Variants in EIF2AK4 observed in about 807,000 individuals in gnomAD.
EIF2AK4 encodes eIF-2-alpha kinase GCN2.
A neutral mutation model predicts 211.1 loss-of-function variants in EIF2AK4; 139 were observed. The observed-to-expected ratio is 0.66, with a 90% CI of 0.57 to 0.76. The LOEUF is 0.76. EIF2AK4 is among the 30% of genes least tolerant of loss of function. The probability of loss-of-function intolerance (pLI) is 0.00; values close to 1 mark genes in which losing one functional copy is unlikely to be tolerated. For synonymous variants in EIF2AK4, 710 were observed against 751.3 expected (o/e 0.94, Z 0.90); for missense variants, 1,664 against 2,043.8 (o/e 0.81, Z 3.58).
At chr15:39,990,195 T>C (rs949631039) in intron 15 of EIF2AK4, 78 bp from the exon 16 acceptor site, 11 of 1,385,876 alleles carry the variant, frequency 7.9e-6, no homozygotes, top group Non-Finnish European at 2.0e-6. Flanking sequence ...CATCGCTAGG[T>C]TGGCCTTTTA....
At chr15:39,942,098 G>A (rs2140897683) in intron 2 of EIF2AK4, among the ~76,000 whole-genome samples, 1 of 152,164 alleles carries the variant, frequency 6.6e-6, no homozygotes, top group South Asian at 2.1e-4. Context: ...TGTTAATATT[G>A]CTATATTATG....
At chr15:39,984,617 G>T (rs1388241948) in intron 13 of EIF2AK4, among the ~76,000 whole-genome samples, 1 of 152,140 alleles carries the variant, frequency 6.6e-6, no homozygotes, top group Non-Finnish European at 1.5e-5. Flanking sequence ...TACAGCAATT[G>T]TGAATGGGAA....
chr15:40,023,173 AAATAAG>A (rs2035417027), intron 32 of EIF2AK4, among the ~76,000 whole-genome samples: 1 of 152,222 alleles, frequency 6.6e-6, no homozygotes, highest in Non-Finnish European at 1.5e-5. Flanking sequence ...CCAGCTAAGA[AAATAAG>A]AATAAGTAAA....
In EIF2AK4 at chr15:39,953,941, A is replaced by G; in HGVS notation, c.551A>G (p.Glu184Gly). ...CTGCATGAGATTCAGAGAAGGAAAGAAGAGATAAAAGAAGAGAAAAAAAGG... is the reference window on the plus strand; with the variant it reads ...CTGCATGAGATTCAGAGAAGGAAAGGAGAGATAAAAGAAGAGAAAAAAAGG... ...EILHEIQRRK[E>G]EIKEEKKRKE... is the part of the protein sequence containing the mutation. The change falls in exon 5 of 39, where the codon GAA becomes GGA. Residue 184 changes from glutamate to glycine, a missense_variant. Glu to Gly is a moderately conservative substitution (Grantham distance 98). This residue lies in a region of EIF2AK4 where 641 missense variants were observed against 729.6 expected (regional missense o/e 0.88). Transcript: ENST00000263791. 6.2e-7 allele frequency: 1 copy of G among 1,610,020 alleles called. No homozygotes were observed. The highest frequency in any genetic ancestry group is 2.2e-5 in the East Asian group (1 of 44,842).
chr15:39,977,135 A>AAACAAC, intron 12 of EIF2AK4: 1 of 314,722 alleles, frequency 3.2e-6, no homozygotes, highest in Non-Finnish European at 5.8e-6. Context: ...CCATGTTTAA[A>AAACAAC]AACAAAAACA....
intron 3 of EIF2AK4, chr15:39,946,610 A>C (rs1435237396): frequency 1.4e-6 from 1 of 701,146 alleles, no homozygotes; most frequent in Non-Finnish European, 2.6e-6. Context: ...GAGAGGATTG[A>C]CCCCAACTTT....
intron 1 of EIF2AK4, among the ~76,000 whole-genome samples, chr15:39,936,452 G>A (rs955011314): frequency 8.5e-5 from 13 of 152,200 alleles, no homozygotes; most frequent in African/African-American, 2.6e-4. Flanking sequence ...TCTCTCTGTC[G>A]CCCGGGCTGG....
chr15:39,954,066 A>C (rs182046939), intron 5 of EIF2AK4, 82 bp downstream of exon 5: 2 of 1,133,846 alleles, frequency 1.8e-6, no homozygotes, highest in Non-Finnish European at 2.5e-6. Context: ...CTGTGTTACT[A>C]TCAGTAATAC....
At position 40,019,185 on chromosome 15, in the gene EIF2AK4, C is replaced by A; in HGVS notation, c.4158C>A (p.Leu1386=). ...TAGACAAGATATCTGCTGCTGTCCT[C>A]AACATGGAGGAATCTGTAAGTTCTG... is the stretch of plus-strand genomic sequence containing the variant. ...IAIDKISAAV[L]NMEESVTISS... Residue 1386 remains leucine, a synonymous_variant, in exon 30 of 39, where the codon CTC becomes CTA. Transcript: ENST00000263791. The A allele has an allele frequency of 6.3e-7, 1 of 1,589,718 alleles. No individual in the cohort carries two copies. Among genetic ancestry groups the A allele is most frequent in the East Asian group, 2.3e-5 (1 of 43,990 alleles).
intron 7 of EIF2AK4, among the ~76,000 whole-genome samples, chr15:39,962,394 A>T (rs1420835099): frequency 1.3e-5 from 2 of 152,258 alleles, no homozygotes; most frequent in Non-Finnish European, 2.9e-5. Context: ...CAGTCAGTAG[A>T]ATTTTACATC....
chr15:39,939,679 C>G (rs1757084858), intron 2 of EIF2AK4, 62 bp downstream of exon 2: 1 of 1,360,398 alleles, frequency 7.4e-7, no homozygotes, highest in Non-Finnish European at 1.0e-6. Context: ...AACATAGAAA[C>G]AGATTGAAAT....
intron 11 of EIF2AK4, chr15:39,975,184 A>G (rs930944126): frequency 6.6e-6 from 1 of 152,172 alleles, no homozygotes; most frequent in African/African-American, 2.4e-5. Flanking sequence ...CGAGATGGGT[A>G]TGATCCTCAT....
At chr15:40,010,157 GCTC>G (rs1406295603) in intron 26 of EIF2AK4, among the ~76,000 whole-genome samples, 8 of 152,184 alleles carry the variant, frequency 5.3e-5, no homozygotes. Flanking sequence ...ATTGTTCTGA[GCTC>G]CTCTGATGGA....
chr15:39,944,471 A>G (rs541598437), intron 3 of EIF2AK4, among the ~76,000 whole-genome samples: 14 of 127,094 alleles, frequency 1.1e-4, no homozygotes, highest in South Asian at 1.0e-3. Context: ...TTGCTCTGTC[A>G]CCCAGGCTAG....
intron 2 of EIF2AK4, among the ~76,000 whole-genome samples, chr15:39,941,958 T>C (rs2034151175): frequency 6.6e-6 from 1 of 152,178 alleles, no homozygotes; most frequent in African/African-American, 2.4e-5. Flanking sequence ...TGGAAATGCT[T>C]ATAAAAGTTA....
rs372529490 is a variant in EIF2AK4 at position 39,949,284 on chromosome 15, C to T, written c.513+16C>T. 3.6e-5 allele frequency: 58 copies of T among 1,612,406 alleles called. No individual in the cohort carries two copies. Among genetic ancestry groups the T allele is most frequent in the African/African-American group, 8.0e-5 (6 of 74,826 alleles). ...AGAGCAGGAGGTGAGATGCCCTTGT[C>T]GATGTCTGTGTGCATGGCCAGCCTG... On this transcript the variant is annotated intron_variant, in intron 4 of 38. Coordinates refer to ENST00000263791, the MANE Select transcript of EIF2AK4 (RefSeq NM_001013703.4).
intron 12 of EIF2AK4, chr15:39,977,827 C>T (rs1017318793): frequency 5.9e-5 from 17 of 285,836 alleles, no homozygotes; most frequent in African/African-American, 3.3e-4. Flanking sequence ...CAAGTGGATA[C>T]AGTTTATGAT....
chr15:39,957,388 A>T (rs545394180), intron 6 of EIF2AK4, among the ~76,000 whole-genome samples: 30 of 151,966 alleles, frequency 2.0e-4, no homozygotes, highest in Non-Finnish European at 4.0e-4. Flanking sequence ...CTGGGCAACA[A>T]ACTCCTTCCC....
intron 8 of EIF2AK4, among the ~76,000 whole-genome samples, chr15:39,966,541 G>C (rs1186183681): frequency 6.6e-6 from 1 of 151,318 alleles, no homozygotes; most frequent in African/African-American, 2.4e-5. Context: ...CTTCAAAACT[G>C]AATTTTGGGG....
Sources: gnomAD v4.1 joint callset for allele counts (sites outside exome capture counted in the v4.1 genomes callset) on GRCh38, gnomAD v4.1.1 for gene constraint, gnomAD v4.1.1 regional missense constraint, MANE v1.5 for transcripts, NCBI Gene and HGNC (gene_info 2026-07-23, HGNC 2026-07-21) for gene names.